PNPLA8: variants seen among roughly 807,000 people sequenced by gnomAD.
The protein encoded by PNPLA8 is calcium-independent phospholipase A2-gamma.
PNPLA8 carries 39 observed loss-of-function variants against 76.9 expected under a neutral mutation model. The ratio of observed to expected loss-of-function variants is 0.51; its 90% CI spans 0.39 to 0.66. The LOEUF (loss-of-function observed/expected upper bound fraction) is 0.66. Ranked by LOEUF, PNPLA8 falls within the 30% of genes least tolerant of loss-of-function variation. PNPLA8 has a pLI of 0.00. For synonymous variants in PNPLA8, 301 were observed against 307.9 expected (o/e 0.98, Z 0.24); for missense variants, 887 against 918.0 (o/e 0.97, Z 0.44).
intron 10 of PNPLA8, among the ~76,000 whole-genome samples, chr7:108,477,548 A>T (rs1437970949): frequency 1.3e-5 from 2 of 152,220 alleles, no homozygotes; most frequent in East Asian, 1.9e-4. Flanking sequence ...TTAAAAACAA[A>T]ATAGTAAAAT....
intron 5 of PNPLA8, among the ~76,000 whole-genome samples, chr7:108,502,130 T>C (rs1229875736): frequency 2.6e-5 from 4 of 151,686 alleles, no homozygotes; most frequent in Non-Finnish European, 5.9e-5. Flanking sequence ...TAAAGCTGAA[T>C]TGAATCTGTA....
intron 2 of PNPLA8, among the ~76,000 whole-genome samples, chr7:108,519,682 T>C (rs1003612402): frequency 3.9e-5 from 6 of 152,168 alleles, no homozygotes; most frequent in Non-Finnish European, 7.4e-5. Context: ...CCACAAAATA[T>C]GGCTCCCTGG....
intron 9 of PNPLA8, among the ~76,000 whole-genome samples, chr7:108,481,402 TAAC>T (rs1860385043): frequency 6.6e-6 from 1 of 152,206 alleles, no homozygotes; most frequent in Admixed American, 6.5e-5. Context: ...TTAACCACTT[TAAC>T]AGATATGTGG....
At chr7:108,489,416 G>T (rs1207144003) in intron 8 of PNPLA8, among the ~76,000 whole-genome samples, 1 of 152,136 alleles carries the variant, frequency 6.6e-6, no homozygotes, top group Non-Finnish European at 1.5e-5. Flanking sequence ...CATTCCCTTT[G>T]CCAGGAATGC....
rs375472379 is a variant in PNPLA8, at chr7:108,506,533, G to C, written c.1207-3891C>G. Among the ~76,000 whole-genome samples the C allele has an allele frequency of 3.3e-5, 5 of 152,102 alleles. No homozygotes were observed. The East Asian group carries it at 7.7e-4, about 23-fold the overall frequency. On this transcript the variant is annotated intron_variant, in intron 4 of 10. Transcript: ENST00000257694. ...TATGCTCACTCTGTGAGCAGCAATA[G>C]TACTCTTAGGTATATACTCCAAAGA...
At chr7:108,472,856 A>G (rs1054965089) in intron 10 of PNPLA8, among the ~76,000 whole-genome samples, 181 bp from the exon 11 acceptor site, 2 of 152,212 alleles carry the variant, frequency 1.3e-5, no homozygotes, top group African/African-American at 4.8e-5. Flanking sequence ...AAACTATAAG[A>G]TAAAATTCAT....
At chr7:108,497,794 G>A (rs982707036) in intron 5 of PNPLA8, among the ~76,000 whole-genome samples, 20 of 151,792 alleles carry the variant, frequency 1.3e-4, no homozygotes, top group African/African-American at 4.8e-4. Context: ...CACTAAGGCA[G>A]CACATTTTAA....
intron 9 of PNPLA8, among the ~76,000 whole-genome samples, chr7:108,485,793 T>C (rs1222637573): frequency 1.3e-5 from 2 of 152,116 alleles, no homozygotes; most frequent in Admixed American, 6.5e-5. Flanking sequence ...AAGAAAAATA[T>C]TTCCTTAAGT....
intron 5 of PNPLA8, among the ~76,000 whole-genome samples, chr7:108,498,826 G>A (rs1428245678): frequency 2.0e-5 from 3 of 151,994 alleles, no homozygotes. Context: ...TTTAACAGTG[G>A]GAGAATAAAA....
At chr7:108,474,608 T>C (rs1859853120) in intron 10 of PNPLA8, among the ~76,000 whole-genome samples, 1 of 152,186 alleles carries the variant, frequency 6.6e-6, no homozygotes. Flanking sequence ...CCAAGTTACT[T>C]TTGTGTATGG....
At chr7:108,505,495 T>C (rs1862353366) in intron 4 of PNPLA8, among the ~76,000 whole-genome samples, 2 of 148,722 alleles carry the variant, frequency 1.3e-5, no homozygotes, top group Admixed American at 6.8e-5. Context: ...CCCAAGTAGC[T>C]GGAACTACAG....
intron 2 of PNPLA8, among the ~76,000 whole-genome samples, chr7:108,520,845 AC>A (rs767151159): frequency 1.3e-4 from 20 of 152,274 alleles, no homozygotes; most frequent in Middle Eastern, 3.4e-3. Context: ...TGAAAATAAT[AC>A]TTAAAAACAT....
chr7:108,471,937 G>A lies in PNPLA8; in HGVS notation c.*464C>T, dbSNP rs1459694932. 6.6e-6 allele frequency: 1 copy of A among 152,170 alleles called. No individual in the cohort carries two copies. The highest frequency in any genetic ancestry group is 1.5e-5 in the Non-Finnish European group (1 of 68,120). 9.4% of individuals were successfully genotyped at this position (152,170 alleles called of 1,614,324 possible). On this transcript the variant is annotated 3_prime_UTR_variant, in exon 11 of 11. Coordinates refer to ENST00000257694, the MANE Select transcript of PNPLA8 (RefSeq NM_001256007.3). ...ATTACAATAAAAGGCAGTGTGGATT[G>A]GAGAACATAGCTAGTGAGAATATTA...
At chr7:108,499,174 T>C (rs1483454234) in intron 5 of PNPLA8, among the ~76,000 whole-genome samples, 1 of 152,176 alleles carries the variant, frequency 6.6e-6, no homozygotes, top group Non-Finnish European at 1.5e-5. Context: ...TAGGCACGTA[T>C]ATGTTCACAC....
At chr7:108,478,444 A>G (rs1336231486) in intron 10 of PNPLA8, among the ~76,000 whole-genome samples, 1 of 152,092 alleles carries the variant, frequency 6.6e-6, no homozygotes, top group Admixed American at 6.6e-5. Flanking sequence ...AGGCTAGAGT[A>G]TAGTGGCACA....
At chr7:108,487,488 A>G (rs1860820021) in intron 9 of PNPLA8, among the ~76,000 whole-genome samples, 1 of 152,152 alleles carries the variant, frequency 6.6e-6, no homozygotes, top group African/African-American at 2.4e-5. Flanking sequence ...AATCATACAT[A>G]CTCTCACTTT....
At chr7:108,499,364 C>A (rs938576179) in intron 5 of PNPLA8, among the ~76,000 whole-genome samples, 9 of 152,084 alleles carry the variant, frequency 5.9e-5, no homozygotes, top group African/African-American at 1.9e-4. Context: ...TATATATCTG[C>A]CAAGTTGCCA....
Position 108,514,758 on chromosome 7 carries a change from T to C in PNPLA8, c.734A>G (p.Lys245Arg), listed in dbSNP as rs376524067. The change falls in exon 3 of 11, where the codon AAA becomes AGA. Residue 245 changes from lysine to arginine, a missense_variant. Transcript: ENST00000257694. ...GATGCCAGGATCTGGAGATCTTAATTTCCCCTCTTCTACCTTTTTATCTTC... is the reference window on the plus strand; with the variant it reads ...GATGCCAGGATCTGGAGATCTTAATCTCCCCTCTTCTACCTTTTTATCTTC... ...ELEDKKVEEG[K>R]LRSPDPGILA... 4.3e-6 allele frequency: 7 copies of C among 1,612,844 alleles called. No homozygotes were observed. Among genetic ancestry groups the C allele is most frequent in the African/African-American group, 1.3e-5 (1 of 74,810 alleles).
intron 4 of PNPLA8, among the ~76,000 whole-genome samples, chr7:108,508,250 C>T (rs1274822918): frequency 3.4e-3 from 4 of 1,168 alleles, no homozygotes; most frequent in Middle Eastern, 0.1. Flanking sequence ...TGTTTGCAGA[C>T]GACATGATTG....
Sources: gnomAD v4.1 joint callset for allele counts (sites outside exome capture counted in the v4.1 genomes callset) on GRCh38, gnomAD v4.1.1 for gene constraint, MANE v1.5 for transcripts, NCBI Gene and HGNC (gene_info 2026-07-23, HGNC 2026-07-21) for gene names.